The following COP1 variants were observed in gnomAD, a reference collection of about 807,000 sequenced individuals.
The protein encoded by COP1 is COP1 E3 ubiquitin ligase, also known as E3 ubiquitin-protein ligase COP1.
COP1 carries 24 observed loss-of-function variants against 101.3 expected under a neutral mutation model. The ratio of observed to expected loss-of-function variants is 0.24; its 90% CI spans 0.17 to 0.33. COP1 has a LOEUF of 0.33. Ranked by LOEUF, COP1 falls within the 10% of genes least tolerant of loss-of-function variation. The pLI is 1.00. For synonymous variants in COP1, 347 were observed against 341.9 expected (o/e 1.01, Z -0.17); for missense variants, 663 against 906.2 (o/e 0.73, Z 3.45).
At chr1:176,034,644 T>C (rs1669181415) in intron 14 of COP1, among the ~76,000 whole-genome samples, 2 of 152,068 alleles carry the variant, frequency 1.3e-5, no homozygotes, top group Admixed American at 6.6e-5. Flanking sequence ...AAGAAAGTAA[T>C]GGAGAAGGAG....
chr1:176,155,118 A>C (rs1479478992), intron 5 of COP1, among the ~76,000 whole-genome samples: 1 of 152,112 alleles, frequency 6.6e-6, no homozygotes, highest in African/African-American at 2.4e-5. Flanking sequence ...TTTCAGTTAA[A>C]AAAAATTAGT....
intron 9 of COP1, among the ~76,000 whole-genome samples, chr1:176,114,541 TG>T (rs1685852041): frequency 6.6e-6 from 1 of 151,106 alleles, no homozygotes; most frequent in African/African-American, 2.4e-5. Context: ...AACACCTCAT[TG>T]TTTTTTGTTT....
chr1:175,958,622 C>A (rs1650965720), intron 18 of COP1, among the ~76,000 whole-genome samples: 1 of 151,844 alleles, frequency 6.6e-6, no homozygotes, highest in South Asian at 2.1e-4. Flanking sequence ...AAATTTATTT[C>A]TCCAAATGTT....
intron 15 of COP1, among the ~76,000 whole-genome samples, chr1:176,002,595 G>C (rs1355711067): frequency 4.2e-5 from 6 of 142,768 alleles, no homozygotes; most frequent in Non-Finnish European, 6.0e-5. Flanking sequence ...CTATGAGTGA[G>C]AATATGCAGT....
rs370841032 is a variant in COP1 at position 175,947,237 on chromosome 1, C to T, written c.2136G>A (p.Glu712=). Reference sequence around the variant, plus strand: ...TGTTAGCAGCAATCAGCACATTGGACTCCTAGAAAAGAACAAGAGCTTTTA... The same window carrying T: ...TGTTAGCAGCAATCAGCACATTGGATTCCTAGAAAAGAACAAGAGCTTTTA... ...AVCWRALPDG[E]SNVLIAANSQ... is the part of the protein sequence containing the mutation. The change falls in exon 19 of 20, where the codon GAG becomes GAA. Residue 712 remains glutamate, a splice_region_variant and synonymous_variant. Coordinates refer to ENST00000367669, the MANE Select transcript of COP1 (RefSeq NM_022457.7). The T allele has an allele frequency of 2.7e-5, 43 of 1,606,574 alleles. No homozygotes were observed. Among genetic ancestry groups the T allele is most frequent in the Non-Finnish European group, 2.0e-5 (23 of 1,173,322 alleles).
chr1:175,975,561 C>T (rs1365658611), intron 18 of COP1, among the ~76,000 whole-genome samples: 4 of 152,064 alleles, frequency 2.6e-5, no homozygotes, highest in Non-Finnish European at 5.9e-5. Flanking sequence ...AAGCATGCGC[C>T]AATATGCCAG....
chr1:176,012,243 C>T (rs1165967254), intron 15 of COP1, among the ~76,000 whole-genome samples: 1 of 152,186 alleles, frequency 6.6e-6, no homozygotes, highest in Non-Finnish European at 1.5e-5. Flanking sequence ...AGGTGAATTT[C>T]CCACCTCAGC....
At chr1:176,097,283 A>G (rs1362686647) in intron 9 of COP1, among the ~76,000 whole-genome samples, 1 of 152,146 alleles carries the variant, frequency 6.6e-6, no homozygotes, top group Non-Finnish European at 1.5e-5. Flanking sequence ...CTCAATGCAC[A>G]CATGAGAAGG....
intron 13 of COP1, 76 bp from the exon 14 acceptor site, chr1:176,043,343 C>T: frequency 1.2e-6 from 1 of 852,182 alleles, no homozygotes; most frequent in Non-Finnish European, 1.9e-6. Flanking sequence ...AAAAAAAAAC[C>T]TGATATCAAT....
intron 18 of COP1, among the ~76,000 whole-genome samples, chr1:175,975,860 T>TG (rs1440261734): frequency 6.6e-6 from 1 of 152,242 alleles, no homozygotes; most frequent in Admixed American, 6.5e-5. Flanking sequence ...ATTAGGAACC[T>TG]GTTTTAACAC....
At chr1:176,007,903 C>G (rs1341973664) in intron 15 of COP1, among the ~76,000 whole-genome samples, 1 of 152,230 alleles carries the variant, frequency 6.6e-6, no homozygotes, top group Admixed American at 6.5e-5. Flanking sequence ...CTTTGTTTAC[C>G]TAAGCAAGCC....
At chr1:176,171,047 C>T (rs1240763242) in intron 3 of COP1, among the ~76,000 whole-genome samples, 2 of 149,362 alleles carry the variant, frequency 1.3e-5, no homozygotes, top group Non-Finnish European at 3.0e-5. Context: ...ATGGCATGAT[C>T]CCAGCAGGTG....
At chr1:176,124,079 A>G (rs189121154) in intron 8 of COP1, among the ~76,000 whole-genome samples, 17 of 152,278 alleles carry the variant, frequency 1.1e-4, no homozygotes, top group Admixed American at 9.2e-4. Context: ...TTTTATCATC[A>G]TCATCAAGCA....
At chr1:176,129,691 T>A (rs1171227255) in intron 8 of COP1, among the ~76,000 whole-genome samples, 1 of 151,854 alleles carries the variant, frequency 6.6e-6, no homozygotes, top group Non-Finnish European at 1.5e-5. Flanking sequence ...CAAACTAAGT[T>A]ATCCGATGTT....
At chr1:176,140,934 T>C (rs904516144) in intron 6 of COP1, among the ~76,000 whole-genome samples, 1 of 152,086 alleles carries the variant, frequency 6.6e-6, no homozygotes, top group African/African-American at 2.4e-5. Context: ...AAGAAAACTT[T>C]TAGAAACATT....
At chr1:175,997,354 T>TAA (rs1225396882) in intron 15 of COP1, among the ~76,000 whole-genome samples, 8 of 151,992 alleles carry the variant, frequency 5.3e-5, no homozygotes, top group Non-Finnish European at 1.2e-4. Flanking sequence ...ACTTCATGTC[T>TAA]AAAACACCAA....
chr1:176,199,028 A>C (rs551619123), intron 1 of COP1, among the ~76,000 whole-genome samples: 1 of 152,204 alleles, frequency 6.6e-6, no homozygotes, highest in Non-Finnish European at 1.5e-5. Flanking sequence ...GTAGAAATGC[A>C]AAATGGTGGC....
intron 11 of COP1, among the ~76,000 whole-genome samples, chr1:176,055,603 T>G (rs977058725): frequency 6.6e-6 from 1 of 151,626 alleles, no homozygotes; most frequent in Non-Finnish European, 1.5e-5. Flanking sequence ...AAACCAGACC[T>G]CTCTCTACAC....
chr1:176,022,854 C>T (rs1666992915), intron 15 of COP1, among the ~76,000 whole-genome samples: 1 of 152,182 alleles, frequency 6.6e-6, no homozygotes, highest in Admixed American at 6.5e-5. Context: ...TGCTCAGATG[C>T]CCTTGCATTT....
Sources: gnomAD v4.1 joint callset for allele counts (sites outside exome capture counted in the v4.1 genomes callset) on GRCh38, gnomAD v4.1.1 for gene constraint, MANE v1.5 for transcripts, NCBI Gene and HGNC (gene_info 2026-07-23, HGNC 2026-07-21) for gene names.